Variants in PACS1 observed in about 807,000 individuals in gnomAD.
PACS1 encodes the protein phosphofurin acidic cluster sorting protein 1, also known as PACS-1.
Under a neutral mutation model 115.0 loss-of-function variants are expected in PACS1, and 24 were observed. The observed-to-expected ratio is 0.21, with a 90% CI of 0.15 to 0.29. The LOEUF (loss-of-function observed/expected upper bound fraction) is 0.29, where lower values mean the gene tolerates loss of function less well. Ranked by LOEUF, PACS1 falls within the 10% of genes least tolerant of loss-of-function variation. The pLI is 1.00. For missense variants in PACS1, 838 were observed against 1,251.2 expected (o/e 0.67, Z 4.98); for synonymous variants, 453 against 504.5 (o/e 0.90, Z 1.37).
intron 1 of PACS1, among the ~76,000 whole-genome samples, chr11:66,108,240 C>T (rs1473077999): frequency 1.3e-5 from 2 of 152,188 alleles, no homozygotes; most frequent in Admixed American, 1.3e-4. Flanking sequence ...CAGACGGGCA[C>T]ATTCTAGGTG....
chr11:66,151,307 G>C (rs950822890), intron 1 of PACS1, among the ~76,000 whole-genome samples: 4 of 151,856 alleles, frequency 2.6e-5, no homozygotes, highest in African/African-American at 9.7e-5. Flanking sequence ...TGTGAGCAGC[G>C]AAGCAGTGGA....
chr11:66,207,497 A>T (rs1221177856), intron 2 of PACS1, among the ~76,000 whole-genome samples: 1 of 152,168 alleles, frequency 6.6e-6, no homozygotes, highest in African/African-American at 2.4e-5. Flanking sequence ...TCACAAAATC[A>T]GTGTTCAAAT....
chr11:66,223,195 C>G (rs1248470588), intron 10 of PACS1, among the ~76,000 whole-genome samples: 1 of 151,982 alleles, frequency 6.6e-6, no homozygotes, highest in Non-Finnish European at 1.5e-5. Context: ...CGGGTGCCAG[C>G]GATTCTCCTG....
chr11:66,156,319 C>G lies in PACS1; in HGVS notation c.357-37167C>G, dbSNP rs988253316. 2.8e-5 allele frequency among the ~76,000 whole-genome samples: 4 copies of G among 141,540 alleles called. No individual in the cohort carries two copies. In the Admixed American group the frequency reaches 2.9e-4, roughly 10 times the overall value. 92.9% of individuals were successfully genotyped at this position (141,540 alleles called of 152,430 possible). ...AGGCTGGAGTGCAGTGGTGTGTGAT[C>G]TCGGCTCACTGCAACTTCTGCCCCC... is the stretch of plus-strand genomic sequence containing the variant. On this transcript the variant is annotated intron_variant, in intron 1 of 23. Coordinates refer to ENST00000320580, the MANE Select transcript of PACS1 (RefSeq NM_018026.4).
chr11:66,216,862 C>CTTATTTTTTTTTT (rs1590826365), intron 7 of PACS1, 87 bp downstream of exon 7: 2 of 849,836 alleles, frequency 2.4e-6, no homozygotes, highest in East Asian at 2.7e-5. Flanking sequence ...CTAGTGGAGA[C>CTTATTTTTTTTTT]TTCTTAAAAT....
chr11:66,108,107 A>G (rs1318887541), intron 1 of PACS1, among the ~76,000 whole-genome samples: 1 of 152,234 alleles, frequency 6.6e-6, no homozygotes, highest in Non-Finnish European at 1.5e-5. Context: ...GGGCTACCAT[A>G]ACAAAATACC....
intron 1 of PACS1, among the ~76,000 whole-genome samples, chr11:66,118,503 T>C (rs1015037432): frequency 1.3e-5 from 2 of 151,982 alleles, no homozygotes; most frequent in Non-Finnish European, 2.9e-5. Context: ...TCCCAGCTCC[T>C]TGGGAGGCTG....
chr11:66,092,504 T>C (rs1436859431), intron 1 of PACS1, among the ~76,000 whole-genome samples: 1 of 152,112 alleles, frequency 6.6e-6, no homozygotes, highest in Non-Finnish European at 1.5e-5. Flanking sequence ...TTTCTTTTGC[T>C]GTGCAGAAGC....
At chr11:66,107,340 G>A (rs1046495409) in intron 1 of PACS1, among the ~76,000 whole-genome samples, 1 of 152,066 alleles carries the variant, frequency 6.6e-6, no homozygotes, top group African/African-American at 2.4e-5. Context: ...ATCCCAGTGA[G>A]GCCTGTCCTG....
At chr11:66,189,785 C>T (rs1854475387) in intron 1 of PACS1, among the ~76,000 whole-genome samples, 1 of 152,168 alleles carries the variant, frequency 6.6e-6, no homozygotes, top group African/African-American at 2.4e-5. Flanking sequence ...AAGGAAAAAC[C>T]TAACCCATCA....
intron 1 of PACS1, among the ~76,000 whole-genome samples, chr11:66,129,335 G>C: frequency 6.6e-6 from 1 of 151,766 alleles, no homozygotes; most frequent in South Asian, 2.1e-4. Flanking sequence ...AGGAAGTTGA[G>C]GCAGGAGAAT....
At position 66,149,679 on chromosome 11, in the gene PACS1, C is replaced by CTTGT. The variant is rs1554982390; in HGVS notation, c.357-43807_357-43806insTTGT. ...CTACATCCATTCCACATCTTGTGTT[C>CTTGT]GTGTGTGTGTGTGTGTGTGTGTGTG... On this transcript the variant is annotated intron_variant, in intron 1 of 23. Coordinates refer to ENST00000320580, the MANE Select transcript of PACS1 (RefSeq NM_018026.4). 3.0e-4 allele frequency among the ~76,000 whole-genome samples: 35 copies of CTTGT among 118,422 alleles called. No individual in the cohort carries two copies. In the East Asian group the frequency reaches 4.1e-3, roughly 14 times the overall value. 77.7% of individuals were successfully genotyped at this position (118,422 alleles called of 152,430 possible).
chr11:66,185,051 C>T (rs1313666541), intron 1 of PACS1, among the ~76,000 whole-genome samples: 1 of 152,152 alleles, frequency 6.6e-6, no homozygotes, highest in African/African-American at 2.4e-5. Flanking sequence ...TAGCTATTGC[C>T]TCGCTGCTTT....
intron 1 of PACS1, among the ~76,000 whole-genome samples, chr11:66,164,449 T>A (rs796390210): frequency 6.0e-5 from 9 of 149,764 alleles, no homozygotes; most frequent in Middle Eastern, 3.4e-3. Flanking sequence ...AAAAAAAAAA[T>A]TTTTTTCATT....
At chr11:66,141,748 G>A (rs374719532) in intron 1 of PACS1, among the ~76,000 whole-genome samples, 4 of 151,508 alleles carry the variant, frequency 2.6e-5, no homozygotes, top group African/African-American at 4.8e-5. Context: ...CTACAGGTAT[G>A]TGCCACCACA....
In PACS1 at chr11:66,143,603, C is replaced by T. The variant is rs577994470; in HGVS notation, c.357-49883C>T. 6.6e-5 allele frequency among the ~76,000 whole-genome samples: 10 copies of T among 152,250 alleles called. No homozygotes were observed. The East Asian group carries it at 1.3e-3, about 21-fold the overall frequency. On this transcript the variant is annotated intron_variant, in intron 1 of 23. Transcript: ENST00000320580. ...ATGATTTTTGCCCTGATTTAACATA[C>T]GGTACTTAGTTTGGGAAGCCATTTG...
intron 10 of PACS1, among the ~76,000 whole-genome samples, chr11:66,221,886 C>T (rs978693266): frequency 2.0e-5 from 3 of 152,124 alleles, no homozygotes; most frequent in Admixed American, 1.3e-4. Context: ...GAGGCCAGGG[C>T]GGGTGGATCA....
intron 7 of PACS1, chr11:66,217,045 T>G (rs1030913148): frequency 4.4e-6 from 2 of 458,672 alleles, no homozygotes; most frequent in Admixed American, 6.9e-5. Flanking sequence ...TCAGAACAGA[T>G]AGTGGTCCAT....
At chr11:66,129,680 C>A (rs956440313) in intron 1 of PACS1, among the ~76,000 whole-genome samples, 1 of 152,010 alleles carries the variant, frequency 6.6e-6, no homozygotes, top group Non-Finnish European at 1.5e-5. Flanking sequence ...GCACCCAGCA[C>A]TGCCAGGCAG....
Sources: allele counts gnomAD v4.1 joint callset (sites outside exome capture counted in the v4.1 genomes callset), GRCh38; gene constraint gnomAD v4.1.1; transcripts MANE v1.5; gene names NCBI Gene and HGNC (gene_info 2026-07-23, HGNC 2026-07-21).